MARCHF11: variants seen among roughly 807,000 people sequenced by gnomAD.
MARCHF11 encodes the protein membrane associated ring-CH-type finger 11.
Under a neutral mutation model 37.3 loss-of-function variants are expected in MARCHF11, and 29 were observed. The observed-to-expected ratio is 0.78, with a 90% CI of 0.58 to 1.06. The LOEUF is 1.06. Among genes scored for constraint, MARCHF11 ranks in the 50% least tolerant of loss-of-function variants. The pLI, the probability that MARCHF11 is intolerant of heterozygous loss-of-function variation, is 0.00. For synonymous variants in MARCHF11, 233 were observed against 228.0 expected (o/e 1.02, Z -0.20); for missense variants, 482 against 533.4 (o/e 0.90, Z 0.95).
intron 2 of MARCHF11, among the ~76,000 whole-genome samples, chr5:16,108,302 T>A (rs1272077396): frequency 2.0e-5 from 3 of 151,604 alleles, no homozygotes; most frequent in African/African-American, 7.3e-5. Flanking sequence ...GTCTGCATGC[T>A]CCCCCTCCCG....
chr5:16,138,361 TGGGCCCGC>T (rs1164389830), intron 2 of MARCHF11, among the ~76,000 whole-genome samples: 1 of 152,214 alleles, frequency 6.6e-6, no homozygotes, highest in Non-Finnish European at 1.5e-5. Flanking sequence ...CACGTGGTGT[TGGGCCCGC>T]AAGTGCTCAG....
At chr5:16,081,252 A>AT (rs2126549677) in intron 3 of MARCHF11, among the ~76,000 whole-genome samples, 1 of 152,294 alleles carries the variant, frequency 6.6e-6, no homozygotes, top group Non-Finnish European at 1.5e-5. Flanking sequence ...GAATTGTTAT[A>AT]TTCCAGGGCT....
intron 2 of MARCHF11, among the ~76,000 whole-genome samples, chr5:16,166,599 T>C (rs994434950): frequency 1.3e-5 from 2 of 151,888 alleles, no homozygotes; most frequent in African/African-American, 4.8e-5. Flanking sequence ...TATGTAACAT[T>C]TATATATATT....
intron 2 of MARCHF11, among the ~76,000 whole-genome samples, chr5:16,133,026 C>T (rs1737544289): frequency 6.6e-6 from 1 of 151,812 alleles, no homozygotes; most frequent in African/African-American, 2.4e-5. Flanking sequence ...GTTTATTTGA[C>T]ATATCTTAGA....
At chr5:16,142,955 GT>G (rs1227320326) in intron 2 of MARCHF11, among the ~76,000 whole-genome samples, 1 of 131,140 alleles carries the variant, frequency 7.6e-6, no homozygotes, top group Non-Finnish European at 1.5e-5. Context: ...GGTCAGGCTG[GT>G]CTTGAACTCC....
intron 3 of MARCHF11, among the ~76,000 whole-genome samples, chr5:16,088,087 C>T (rs1288513237): frequency 6.6e-6 from 1 of 152,214 alleles, no homozygotes; most frequent in Non-Finnish European, 1.5e-5. Flanking sequence ...GCCAATCTCA[C>T]ATCTTCCCAT....
chr5:16,175,648 T>A (rs555044861), intron 2 of MARCHF11, among the ~76,000 whole-genome samples: 3 of 152,356 alleles, frequency 2.0e-5, no homozygotes, highest in African/African-American at 7.2e-5. Context: ...TTTAGAACAG[T>A]GCGTGGCAAA....
intron 3 of MARCHF11, among the ~76,000 whole-genome samples, chr5:16,082,198 G>A (rs1035995017): frequency 2.0e-5 from 3 of 152,198 alleles, no homozygotes; most frequent in Admixed American, 1.3e-4. Flanking sequence ...TGAAGGATCC[G>A]AGGCAGGGAC....
intron 2 of MARCHF11, among the ~76,000 whole-genome samples, chr5:16,156,146 G>GTAT (rs1351041056): frequency 1.3e-5 from 2 of 151,872 alleles, no homozygotes; most frequent in African/African-American, 4.8e-5. Flanking sequence ...AGTTCTGAAT[G>GTAT]TATTTATTGT....
chr5:16,172,094 C>T (rs1017113800), intron 2 of MARCHF11, among the ~76,000 whole-genome samples: 10 of 152,160 alleles, frequency 6.6e-5, no homozygotes, highest in African/African-American at 2.4e-4. Flanking sequence ...TGACCTTTGG[C>T]TCCTTTTACC....
chr5:16,135,879 T>TAAAAA (rs200868869), intron 2 of MARCHF11, among the ~76,000 whole-genome samples: 7 of 112,638 alleles, frequency 6.2e-5, no homozygotes, highest in African/African-American at 7.6e-5. Context: ...TGAAAGAGAT[T>TAAAAA]TAAAAAAAAA....
At chr5:16,168,758 A>C (rs1738210482) in intron 2 of MARCHF11, among the ~76,000 whole-genome samples, 1 of 152,062 alleles carries the variant, frequency 6.6e-6, no homozygotes. Context: ...AAAAGGAAGA[A>C]AGAGATGGAA....
intron 2 of MARCHF11, among the ~76,000 whole-genome samples, chr5:16,143,419 T>C (rs1560987787): frequency 6.6e-6 from 1 of 152,230 alleles, no homozygotes; most frequent in Non-Finnish European, 1.5e-5. Context: ...CCTGGCCCAC[T>C]CTGGCTGGCC....
chr5:16,133,145 T>C (rs1265061337), intron 2 of MARCHF11, among the ~76,000 whole-genome samples: 1 of 152,208 alleles, frequency 6.6e-6, no homozygotes, highest in Non-Finnish European at 1.5e-5. Context: ...TTCCTTGATC[T>C]ATGCCCTTTG....
chr5:16,137,576 C>G (rs72738279), intron 2 of MARCHF11, among the ~76,000 whole-genome samples: 28,585 of 152,004 alleles, frequency 0.19, 2,827 homozygotes, highest in East Asian at 0.3. Flanking sequence ...ATTAAGATAC[C>G]CAAAAATGTG....
Position 16,179,065 on chromosome 5 carries a change from T to C in MARCHF11, c.511A>G (p.Lys171Glu). The change falls in exon 1 of 4, where the codon AAG (lysine) becomes GAG (glutamate). Residue 171 changes from lysine (K) to glutamate (E), a missense_variant. Lys to Glu is a moderately conservative substitution (Grantham distance 56). Coordinates refer to ENST00000332432, the MANE Select transcript of MARCHF11 (RefSeq NM_001102562.3). Reference sequence around the variant, plus strand: ...TGCTCCGCGCCCTGGAAGCAGATCTTGCAGATGGGCTGGTGGTGCTGGTGC... The same window carrying C: ...TGCTCCGCGCCCTGGAAGCAGATCTCGCAGATGGGCTGGTGGTGCTGGTGC... ...HQHQHHQPICKICFQGAEQGE... is the reference protein window; with the variant it reads ...HQHQHHQPICEICFQGAEQGE... The C allele has an allele frequency of 6.7e-7, 1 of 1,490,180 alleles. No homozygotes were observed. The highest frequency in any genetic ancestry group is 8.9e-7 in the Non-Finnish European group (1 of 1,126,556). 92.3% of individuals were successfully genotyped at this position (1,490,180 alleles called of 1,614,324 possible).
intron 3 of MARCHF11, among the ~76,000 whole-genome samples, chr5:16,079,140 AACAT>A (rs1174653109): frequency 6.6e-6 from 1 of 152,110 alleles, no homozygotes; most frequent in East Asian, 1.9e-4. Context: ...GGCTTGGCCT[AACAT>A]ACACAACCTA....
intron 2 of MARCHF11, among the ~76,000 whole-genome samples, chr5:16,105,604 A>C (rs1476099843): frequency 1.3e-5 from 2 of 152,166 alleles, no homozygotes; most frequent in Non-Finnish European, 2.9e-5. Flanking sequence ...ACAGTCCAGG[A>C]AGAGAGGAGA....
intron 3 of MARCHF11, among the ~76,000 whole-genome samples, chr5:16,083,645 AC>A (rs1165067530): frequency 1.3e-5 from 2 of 152,138 alleles, no homozygotes; most frequent in Non-Finnish European, 1.5e-5. Context: ...TAAGTTTTTA[AC>A]CTAAAATAAT....
Sources: allele counts gnomAD v4.1 joint callset (sites outside exome capture counted in the v4.1 genomes callset), GRCh38; gene constraint gnomAD v4.1.1; transcripts MANE v1.5; gene names NCBI Gene and HGNC (gene_info 2026-07-23, HGNC 2026-07-21).